PLXNA4: variants seen among roughly 807,000 people sequenced by gnomAD.
The protein encoded by PLXNA4 is plexin A4.
Under a neutral mutation model 191.8 loss-of-function variants are expected in PLXNA4, and 44 were observed. The ratio of observed to expected loss-of-function variants is 0.23; its 90% CI spans 0.18 to 0.29. The LOEUF (loss-of-function observed/expected upper bound fraction) is 0.29. Among genes scored for constraint, PLXNA4 ranks in the 10% least tolerant of loss-of-function variants. PLXNA4 has a pLI of 1.00. For missense variants in PLXNA4, 1,800 were observed against 2,488.8 expected (o/e 0.72, Z 5.89); for synonymous variants, 1,082 against 1,009.5 (o/e 1.07, Z -1.36).
intron 2 of PLXNA4, among the ~76,000 whole-genome samples, chr7:132,601,003 T>C (rs1802807498): frequency 6.6e-6 from 1 of 152,190 alleles, no homozygotes; most frequent in Non-Finnish European, 1.5e-5. Context: ...CCCATACTTC[T>C]GTTTTGACTT....
chr7:132,132,434 TC>T (rs1794969564), intron 31 of PLXNA4, among the ~76,000 whole-genome samples: 1 of 70,160 alleles, frequency 1.4e-5, no homozygotes, highest in African/African-American at 5.3e-5. Flanking sequence ...TCTGTTCTGT[TC>T]TGTTCTGTTC....
At chr7:132,385,089 TG>T (rs1307260406) in intron 3 of PLXNA4, 5 of 1,550,402 alleles carry the variant, frequency 3.2e-6, no homozygotes, top group Non-Finnish European at 4.4e-6. Context: ...GATGTATGGC[TG>T]GGGTCACAGG....
chr7:132,272,954 G>A (rs1800132483), intron 4 of PLXNA4, among the ~76,000 whole-genome samples: 1 of 152,098 alleles, frequency 6.6e-6, no homozygotes, highest in Non-Finnish European at 1.5e-5. Context: ...TTATGTCTTT[G>A]CATGTCAGCT....
Position 132,545,062 on chromosome 7 carries a change from T to C in PLXNA4, c.-87+31360A>G, listed in dbSNP as rs1800238236. ...CAATAAGATCTGCAAAAAGCAAATG[T>C]AGCAAATGTATTTTTTTTCTCCCTA... On this transcript the variant is annotated intron_variant, in intron 1 of 31. Coordinates refer to ENST00000321063, the MANE Select transcript of PLXNA4 (RefSeq NM_020911.2). Among the ~76,000 whole-genome samples, 3 of 152,132 alleles carry C rather than the reference T, an allele frequency of 2.0e-5. No homozygotes were observed. The South Asian group carries it at 6.2e-4, about 32-fold the overall frequency.
chr7:132,488,428 AC>A (rs988675673), intron 3 of PLXNA4, among the ~76,000 whole-genome samples: 4 of 152,248 alleles, frequency 2.6e-5, no homozygotes, highest in Non-Finnish European at 5.9e-5. Flanking sequence ...TGTCCAGAGA[AC>A]CCCAAAAGAA....
chr7:132,633,265 T>C (rs1585418427), intron 2 of PLXNA4, among the ~76,000 whole-genome samples: 1 of 148,460 alleles, frequency 6.7e-6, no homozygotes, highest in Non-Finnish European at 1.5e-5. Flanking sequence ...GAGAAAACAG[T>C]GGGGCTTGAG....
At chr7:132,194,322 T>G in intron 13 of PLXNA4, 143 bp from the exon 14 acceptor site, 1 of 1,338,890 alleles carries the variant, frequency 7.5e-7, no homozygotes, top group Non-Finnish European at 1.0e-6. Context: ...GATATCCTAA[T>G]TCCTCCTAGC....
chr7:132,416,532 C>G (rs930851205), intron 3 of PLXNA4, among the ~76,000 whole-genome samples: 1 of 152,188 alleles, frequency 6.6e-6, no homozygotes, highest in African/African-American at 2.4e-5. Context: ...TCCTTGATCC[C>G]TTCTGAGATG....
Position 132,179,785 on chromosome 7 carries a change from G to A in PLXNA4, c.3776C>T (p.Ala1259Val). Residue 1259 changes from alanine (A) to valine (V), a missense_variant, in exon 20 of 32, where the codon GCC (alanine) becomes GTC (valine). By Grantham distance (64) the Ala-to-Val change is moderately conservative (BLOSUM62 0). Coordinates refer to ENST00000321063, the MANE Select transcript of PLXNA4 (RefSeq NM_020911.2). ...LIIFIVAVLI[A>V]YKRKSRESDL... ...ACTTTCGCGGGACTTGCGTTTATAG[G>A]CAATGAGCACGGCCACGATGAAAAT... is the stretch of plus-strand genomic sequence containing the variant. The A allele has an allele frequency of 6.2e-7, 1 of 1,613,958 alleles. No homozygotes were observed. Among genetic ancestry groups the A allele is most frequent in the East Asian group, 2.2e-5 (1 of 44,846 alleles).
chr7:132,296,671 T>C (rs1801093881), intron 4 of PLXNA4, among the ~76,000 whole-genome samples: 1 of 152,158 alleles, frequency 6.6e-6, no homozygotes, highest in South Asian at 2.1e-4. Flanking sequence ...GAATATTCAA[T>C]GCCTTGTGAA....
intron 3 of PLXNA4, among the ~76,000 whole-genome samples, chr7:132,478,754 G>C (rs1329329420): frequency 6.6e-6 from 1 of 152,154 alleles, no homozygotes; most frequent in South Asian, 2.1e-4. Flanking sequence ...GATGAGGGCA[G>C]GTCGTCAGGT....
At chr7:132,460,120 G>A (rs577543032) in intron 3 of PLXNA4, among the ~76,000 whole-genome samples, 4 of 152,250 alleles carry the variant, frequency 2.6e-5, no homozygotes, top group African/African-American at 4.8e-5. Flanking sequence ...TTGGGAGGCC[G>A]AGTTGAGGGG....
intron 3 of PLXNA4, among the ~76,000 whole-genome samples, chr7:132,395,355 T>C (rs1442819820): frequency 6.6e-6 from 1 of 152,088 alleles, no homozygotes; most frequent in Non-Finnish European, 1.5e-5. Flanking sequence ...GGGGACAAGA[T>C]GAATAAGCAC....
chr7:132,555,542 AAT>A (rs1335950689), intron 1 of PLXNA4, among the ~76,000 whole-genome samples: 2 of 152,244 alleles, frequency 1.3e-5, no homozygotes, highest in African/African-American at 4.8e-5. Flanking sequence ...TTGAGCATTT[AAT>A]ATGTGTCAAG....
At chr7:132,577,235 G>A (rs1802285316), upstream of PLXNA4, 1 of 151,016 alleles carries the variant, frequency 6.6e-6, no homozygotes, top group East Asian at 2.0e-4. Context: ...AGGGGGCAGG[G>A]AGCGGGGCCG....
intron 3 of PLXNA4, among the ~76,000 whole-genome samples, chr7:132,385,732 G>A (rs528883450): frequency 6.6e-5 from 10 of 152,276 alleles, no homozygotes; most frequent in Admixed American, 2.0e-4. Flanking sequence ...ACACGCGTGC[G>A]CATGCACACA....
chr7:132,569,103 G>C (rs1242816652), intron 1 of PLXNA4, among the ~76,000 whole-genome samples: 1 of 152,234 alleles, frequency 6.6e-6, no homozygotes, highest in Admixed American at 6.5e-5. Context: ...CTTGTGACCA[G>C]TGAGCTACAG....
chr7:132,321,930 A>C (rs908986155), intron 3 of PLXNA4, among the ~76,000 whole-genome samples: 1 of 152,296 alleles, frequency 6.6e-6, no homozygotes, highest in East Asian at 1.9e-4. Context: ...AAATTAGCAG[A>C]GTATCTGGGC....
intron 3 of PLXNA4, among the ~76,000 whole-genome samples, chr7:132,301,368 G>C (rs1459803144): frequency 6.6e-6 from 1 of 152,180 alleles, no homozygotes; most frequent in South Asian, 2.1e-4. Flanking sequence ...GTTATTTATT[G>C]AGTGGCCACT....
Sources: gnomAD v4.1 joint callset for allele counts (sites outside exome capture counted in the v4.1 genomes callset) on GRCh38, gnomAD v4.1.1 for gene constraint, MANE v1.5 for transcripts, NCBI Gene and HGNC (gene_info 2026-07-23, HGNC 2026-07-21) for gene names.